ATP2C1: variants seen among roughly 807,000 people sequenced by gnomAD.
The protein encoded by ATP2C1 is ATPase secretory pathway Ca2+ transporting 1.
A neutral mutation model predicts 120.5 loss-of-function variants in ATP2C1; 31 were observed. The observed-to-expected ratio is 0.26, with a 90% CI of 0.19 to 0.35. The LOEUF (loss-of-function observed/expected upper bound fraction) is 0.35. ATP2C1 is among the 10% of genes least tolerant of loss of function. ATP2C1 has a pLI of 1.00. For synonymous variants in ATP2C1, 351 were observed against 358.7 expected (o/e 0.98, Z 0.24); for missense variants, 731 against 1,107.5 (o/e 0.66, Z 4.83).
At chr3:130,904,939 A>T (rs1333902695) in intron 2 of ATP2C1, among the ~76,000 whole-genome samples, 2 of 152,062 alleles carry the variant, frequency 1.3e-5, no homozygotes, top group Non-Finnish European at 2.9e-5. Context: ...TGCTCAAGTC[A>T]TTCTCGCTTT....
At chr3:130,851,659 A>G (rs1325238317) in intron 1 of ATP2C1, among the ~76,000 whole-genome samples, 1 of 152,364 alleles carries the variant, frequency 6.6e-6, no homozygotes, top group Middle Eastern at 3.4e-3. Flanking sequence ...GATTTTTATG[A>G]ATTTTACCAA....
At chr3:130,958,986 G>T (rs2060699307) in intron 11 of ATP2C1, among the ~76,000 whole-genome samples, 1 of 152,040 alleles carries the variant, frequency 6.6e-6, no homozygotes, top group Non-Finnish European at 1.5e-5. Flanking sequence ...AAATATTACT[G>T]CTTTAAGGGA....
chr3:130,926,023 A>C (rs993565276), intron 2 of ATP2C1, among the ~76,000 whole-genome samples: 20 of 152,258 alleles, frequency 1.3e-4, no homozygotes, highest in African/African-American at 4.8e-4. Flanking sequence ...GCCGGTTACC[A>C]GGGTGGATAC....
chr3:130,927,263 C>CA, intron 2 of ATP2C1, among the ~76,000 whole-genome samples: 1 of 144,300 alleles, frequency 6.9e-6, no homozygotes, highest in South Asian at 2.2e-4. Flanking sequence ...TTTTTTGAGA[C>CA]AGAGTCTCGC....
At chr3:130,940,593 G>C in intron 6 of ATP2C1, 37 bp from the exon 7 acceptor site, 1 of 1,377,230 alleles carries the variant, frequency 7.3e-7, no homozygotes, top group Non-Finnish European at 1.0e-6. Flanking sequence ...ATATTCATGG[G>C]AGCAAAATTA....
At chr3:130,872,576 ACTTTT>A (rs1403458075) in intron 1 of ATP2C1, among the ~76,000 whole-genome samples, 8 of 151,096 alleles carry the variant, frequency 5.3e-5, no homozygotes, top group African/African-American at 9.7e-5. Context: ...TTTGAGGAGT[ACTTTT>A]CTTTTCTTTT....
chr3:130,978,827 T>G (rs897604004), intron 18 of ATP2C1, among the ~76,000 whole-genome samples: 5 of 152,218 alleles, frequency 3.3e-5, no homozygotes, highest in Admixed American at 3.3e-4. Flanking sequence ...AATGGAAAGA[T>G]GAAGATCCGT....
downstream of ATP2C1, among the ~76,000 whole-genome samples, chr3:131,007,479 C>T (rs1019543711): frequency 7.2e-5 from 11 of 152,196 alleles, no homozygotes; most frequent in African/African-American, 2.4e-4. Flanking sequence ...AGTTGCATTG[C>T]TCTACTTAAT....
At chr3:130,998,905 G>A (rs772287543) in intron 26 of ATP2C1, among the ~76,000 whole-genome samples, 21 of 152,130 alleles carry the variant, frequency 1.4e-4, no homozygotes, top group Non-Finnish European at 3.1e-4. Context: ...AGAAAATAAT[G>A]GGCTAGAGCT....
At chr3:130,952,875 A>G (rs1405647965) in intron 8 of ATP2C1, among the ~76,000 whole-genome samples, 3 of 152,178 alleles carry the variant, frequency 2.0e-5, no homozygotes, top group Admixed American at 6.5e-5. Flanking sequence ...AGGTGGAGCA[A>G]AGGACTCTTA....
At chr3:130,864,155 G>A (rs1354384523) in intron 1 of ATP2C1, among the ~76,000 whole-genome samples, 3 of 152,230 alleles carry the variant, frequency 2.0e-5, no homozygotes, top group African/African-American at 4.8e-5. Context: ...GGTCCAGGCT[G>A]AGATGGTCTC....
intron 2 of ATP2C1, among the ~76,000 whole-genome samples, chr3:130,913,896 G>A (rs2058561806): frequency 1.3e-5 from 2 of 152,056 alleles, no homozygotes; most frequent in Non-Finnish European, 2.9e-5. Flanking sequence ...TTTGTGTTGG[G>A]CACATTACTT....
rs544817146 is a variant in ATP2C1 at position 130,998,780 on chromosome 3, T to G, written c.2487+391T>G. 3.9e-5 allele frequency among the ~76,000 whole-genome samples: 6 copies of G among 152,236 alleles called. No individual in the cohort carries two copies. In the South Asian group the frequency reaches 1.2e-3, roughly 32 times the overall value. On this transcript the variant is annotated intron_variant, in intron 26 of 27. Coordinates refer to ENST00000510168, the MANE Select transcript of ATP2C1 (RefSeq NM_001378687.1). ...AGTATAAGAGCAGTTATGTGCCTAT[T>G]TTTTTTCCCATCACTCCTGTCACTG... is the stretch of plus-strand genomic sequence containing the variant.
intron 2 of ATP2C1, chr3:130,919,070 C>T (rs1323725414): frequency 1.2e-5 from 6 of 485,730 alleles, no homozygotes; most frequent in East Asian, 1.1e-4. Flanking sequence ...GCGTGGTGCA[C>T]GGCCCTCCCG....
intron 1 of ATP2C1, among the ~76,000 whole-genome samples, chr3:130,876,113 C>T (rs2068594675): frequency 6.6e-6 from 1 of 151,780 alleles, no homozygotes; most frequent in Admixed American, 6.6e-5. Flanking sequence ...CTTTGTTGTG[C>T]AGAGGCTTTT....
chr3:130,850,749 AT>A, exon 1 of ATP2C1: 3 of 683,926 alleles, frequency 4.4e-6, no homozygotes, highest in Non-Finnish European at 6.9e-6. Flanking sequence ...CATCTGAGGA[AT>A]TGCTAAGTTT....
intron 10 of ATP2C1, 79 bp from the exon 11 acceptor site, chr3:130,956,025 C>T (rs371711005): frequency 7.5e-6 from 7 of 936,686 alleles, no homozygotes; most frequent in East Asian, 2.4e-5. Flanking sequence ...CTTTGTCAAG[C>T]ACTTAGCAAG....
At chr3:130,903,604 T>G (rs542615016) in intron 2 of ATP2C1, among the ~76,000 whole-genome samples, 3 of 151,780 alleles carry the variant, frequency 2.0e-5, no homozygotes, top group Non-Finnish European at 4.4e-5. Flanking sequence ...AAAAAAACTT[T>G]CTTTCTTTCT....
intron 23 of ATP2C1, chr3:130,996,397 A>G (rs2062624044): frequency 3.5e-6 from 2 of 573,708 alleles, no homozygotes; most frequent in Admixed American, 6.3e-5. Context: ...TTCCAAAAGT[A>G]GAAGGGGTAT....
Sources: gnomAD v4.1 joint callset for allele counts (sites outside exome capture counted in the v4.1 genomes callset) on GRCh38, gnomAD v4.1.1 for gene constraint, MANE v1.5 for transcripts, NCBI Gene and HGNC (gene_info 2026-07-23, HGNC 2026-07-21) for gene names.